The following TMEM117 variants were observed in gnomAD, a reference collection of about 807,000 sequenced individuals.
TMEM117 encodes transmembrane protein 117.
In TMEM117, 27 loss-of-function variants were observed where a neutral mutation model predicts 52.4. The ratio of observed to expected loss-of-function variants is 0.51; its 90% CI spans 0.38 to 0.71. The LOEUF (loss-of-function observed/expected upper bound fraction) is 0.71. Ranked by LOEUF, TMEM117 falls within the 30% of genes least tolerant of loss-of-function variation. The pLI is 0.00. For missense variants in TMEM117, 556 were observed against 630.5 expected (o/e 0.88, Z 1.26); for synonymous variants, 215 against 206.3 (o/e 1.04, Z -0.36).
chr12:43,823,545 C>CT, the TMEM117 span, among the ~76,000 whole-genome samples: 1 of 152,090 alleles, frequency 6.6e-6, no homozygotes, highest in Non-Finnish European at 1.5e-5. Flanking sequence ...GAGTTCCACT[C>CT]TGTCTCCAGG....
At chr12:44,224,195 C>T (rs895742373) in intron 5 of TMEM117, among the ~76,000 whole-genome samples, 9 of 152,074 alleles carry the variant, frequency 5.9e-5, no homozygotes, top group African/African-American at 1.9e-4. Flanking sequence ...CAAGCATGCA[C>T]ATACAAACAT....
chr12:43,948,834 A>G (rs117313247), intron 3 of TMEM117, among the ~76,000 whole-genome samples: 216 of 152,284 alleles, frequency 1.4e-3, no homozygotes, highest in Middle Eastern at 0.01. Context: ...AAAGGTCAGG[A>G]AAAATCCCAG....
chr12:44,077,359 C>A (rs190980652), intron 3 of TMEM117, among the ~76,000 whole-genome samples: 1 of 152,156 alleles, frequency 6.6e-6, no homozygotes, highest in African/African-American at 2.4e-5. Context: ...ATATTAGATT[C>A]ATTTCAGTTT....
intron 2 of TMEM117, among the ~76,000 whole-genome samples, chr12:43,911,013 AC>A: frequency 3.7e-5 from 2 of 53,374 alleles, no homozygotes; most frequent in South Asian, 9.3e-4. Context: ...TTCATATGGA[AC>A]CAAAAAAGAG....
chr12:44,338,674 A>AT (rs899797187), intron 6 of TMEM117, among the ~76,000 whole-genome samples: 22 of 152,238 alleles, frequency 1.4e-4, no homozygotes, highest in Non-Finnish European at 2.6e-4. Flanking sequence ...TTTCAAAAGT[A>AT]TTTTTTAAAT....
chr12:43,974,756 C>CT (rs1945645457), intron 3 of TMEM117, among the ~76,000 whole-genome samples: 1 of 152,006 alleles, frequency 6.6e-6, no homozygotes, highest in Non-Finnish European at 1.5e-5. Context: ...TGGAAATAGG[C>CT]TTTTTTACTA....
intron 3 of TMEM117, among the ~76,000 whole-genome samples, chr12:43,967,181 C>T (rs959422789): frequency 6.0e-5 from 9 of 150,334 alleles, no homozygotes; most frequent in African/African-American, 2.2e-4. Context: ...GTTTGGAATG[C>T]GATGGCGCAG....
intron 2 of TMEM117, among the ~76,000 whole-genome samples, chr12:43,861,226 T>C (rs1565722901): frequency 6.6e-6 from 1 of 152,110 alleles, no homozygotes; most frequent in African/African-American, 2.4e-5. Context: ...GTCTTTAAAG[T>C]TCTCACTCTC....
chr12:44,172,993 G>A (rs113174127), intron 4 of TMEM117, among the ~76,000 whole-genome samples: 11,813 of 152,158 alleles, frequency 0.078, 1,383 homozygotes, highest in African/African-American at 0.26. Context: ...CAGAAGTGCC[G>A]GGATTACAGG....
At position 44,388,058 on chromosome 12, in the gene TMEM117, G is replaced by T; in HGVS notation, c.931G>T (p.Val311Phe). The T allele has an allele frequency of 1.2e-6, 2 of 1,611,306 alleles. No individual in the cohort carries two copies. The highest frequency in any genetic ancestry group is 2.2e-5 in the South Asian group (2 of 90,892). ...GTTTAACTATGGAATTATCTTCCTCGTCTTGATTTTGGATCTTAATATGTG... is the reference window on the plus strand; with the variant it reads ...GTTTAACTATGGAATTATCTTCCTCTTCTTGATTTTGGATCTTAATATGTG... ...KWFNYGIIFLVLILDLNMWKN... is the reference protein window; with the variant it reads ...KWFNYGIIFLFLILDLNMWKN... Residue 311 changes from valine to phenylalanine, a missense_variant, in exon 8 of 8, where the codon GTC (valine) becomes TTC (phenylalanine). This residue lies in a region of TMEM117 where 22 missense variants were observed against 48.1 expected (regional missense o/e 0.46). Transcript: ENST00000266534.
chr12:44,260,391 A>T (rs1473070266), intron 5 of TMEM117, among the ~76,000 whole-genome samples: 1 of 152,172 alleles, frequency 6.6e-6, no homozygotes, highest in Non-Finnish European at 1.5e-5. Context: ...TCCTTTCATG[A>T]TGAGAAGCTG....
chr12:43,902,675 A>C (rs949096221), intron 2 of TMEM117, among the ~76,000 whole-genome samples: 17 of 152,178 alleles, frequency 1.1e-4, no homozygotes, highest in African/African-American at 4.1e-4. Flanking sequence ...TAGAAGTAAG[A>C]GGGATACATG....
intron 4 of TMEM117, among the ~76,000 whole-genome samples, chr12:44,146,107 A>G (rs185789729): frequency 2.6e-5 from 4 of 152,236 alleles, no homozygotes; most frequent in Admixed American, 1.3e-4. Flanking sequence ...AGGAAAATGC[A>G]TGGTAGAGTT....
intron 4 of TMEM117, among the ~76,000 whole-genome samples, chr12:44,208,469 T>C (rs959671958): frequency 2.6e-5 from 4 of 152,184 alleles, no homozygotes; most frequent in Non-Finnish European, 5.9e-5. Flanking sequence ...AGAAACCTCA[T>C]GGCATTGTCT....
intron 5 of TMEM117, among the ~76,000 whole-genome samples, chr12:44,285,147 C>T (rs993684672): frequency 1.3e-5 from 2 of 152,142 alleles, no homozygotes; most frequent in Admixed American, 6.5e-5. Context: ...ACCAAATGCT[C>T]CAACCCAGAC....
intron 3 of TMEM117, among the ~76,000 whole-genome samples, chr12:43,986,411 A>G (rs892925472): frequency 1.3e-5 from 2 of 152,132 alleles, no homozygotes; most frequent in Non-Finnish European, 2.9e-5. Context: ...GAATTTGACT[A>G]TTATTTTCCA....
chr12:44,004,069 C>T (rs1946156705), intron 3 of TMEM117, among the ~76,000 whole-genome samples: 1 of 152,178 alleles, frequency 6.6e-6, no homozygotes, highest in South Asian at 2.1e-4. Context: ...AATCTCAATT[C>T]TCTGTTTCTG....
chr12:44,267,032 C>T (rs932749059), intron 5 of TMEM117, among the ~76,000 whole-genome samples: 3 of 152,036 alleles, frequency 2.0e-5, no homozygotes, highest in Non-Finnish European at 2.9e-5. Flanking sequence ...TTAGGATTAG[C>T]TTGTCAATTT....
At chr12:44,066,990 T>C (rs1028989252) in intron 3 of TMEM117, among the ~76,000 whole-genome samples, 4 of 152,218 alleles carry the variant, frequency 2.6e-5, no homozygotes, top group African/African-American at 9.6e-5. Flanking sequence ...CGTAAAATTC[T>C]AAATCCTTTG....
Sources: gnomAD v4.1 joint callset for allele counts (sites outside exome capture counted in the v4.1 genomes callset) on GRCh38, gnomAD v4.1.1 for gene constraint, gnomAD v4.1.1 regional missense constraint, MANE v1.5 for transcripts, NCBI Gene and HGNC (gene_info 2026-07-23, HGNC 2026-07-21) for gene names.